The following LRRC4C variants were observed in gnomAD, a reference collection of about 807,000 sequenced individuals.
LRRC4C encodes leucine-rich repeat-containing protein 4C.
LRRC4C carries 5 observed loss-of-function variants against 33.6 expected under a neutral mutation model. That is an observed-to-expected ratio of 0.15 (90% CI 0.08 to 0.31). LRRC4C has a LOEUF of 0.31. Ranked by LOEUF, LRRC4C falls within the 10% of genes least tolerant of loss-of-function variation. The probability of loss-of-function intolerance (pLI) is 1.00; values close to 1 mark genes in which losing one functional copy is unlikely to be tolerated. For synonymous variants in LRRC4C, 329 were observed against 302.0 expected, an observed-to-expected ratio of 1.09 and a Z score of -0.93; for missense variants, 560 against 796.7, an observed-to-expected ratio of 0.70 and a Z score of 3.58.
At chr11:40,302,906 G>C (rs1362778337) in intron 4 of LRRC4C, among the ~76,000 whole-genome samples, 1 of 152,152 alleles carries the variant, frequency 6.6e-6, no homozygotes, top group Non-Finnish European at 1.5e-5. Context: ...TTCATTGTTT[G>C]TGCTTTAGGA....
chr11:40,357,344 A>G (rs934176479), intron 3 of LRRC4C, among the ~76,000 whole-genome samples: 6 of 152,162 alleles, frequency 3.9e-5, no homozygotes, highest in African/African-American at 1.4e-4. Context: ...GCCTATCAAG[A>G]AGTCACATTA....
chr11:41,258,264 T>C (rs1441649076), intron 1 of LRRC4C, among the ~76,000 whole-genome samples: 1 of 151,942 alleles, frequency 6.6e-6, no homozygotes, highest in Non-Finnish European at 1.5e-5. Flanking sequence ...ATATATTTGG[T>C]ATTCTAGTTA....
chr11:41,111,250 T>C (rs1033511739), intron 1 of LRRC4C, among the ~76,000 whole-genome samples: 1 of 152,108 alleles, frequency 6.6e-6, no homozygotes, highest in Non-Finnish European at 1.5e-5. Flanking sequence ...ACATACTCTT[T>C]ACAACTTCTT....
chr11:40,564,995 C>T (rs11035928), intron 3 of LRRC4C, among the ~76,000 whole-genome samples: 3,687 of 152,212 alleles, frequency 0.024, 62 homozygotes, highest in South Asian at 0.034. Flanking sequence ...ACTAAGATCG[C>T]TCTGGGATAA....
intron 1 of LRRC4C, among the ~76,000 whole-genome samples, chr11:41,131,716 C>T (rs2135841232): frequency 6.6e-6 from 1 of 152,188 alleles, no homozygotes; most frequent in African/African-American, 2.4e-5. Flanking sequence ...AAAGACCCTG[C>T]TGTTGAAACA....
At chr11:41,321,306 A>G (rs1240117265) in intron 1 of LRRC4C, among the ~76,000 whole-genome samples, 1 of 152,134 alleles carries the variant, frequency 6.6e-6, no homozygotes, top group Admixed American at 6.6e-5. Flanking sequence ...CTTCCACAGT[A>G]ATTACAGTCC....
chr11:41,134,871 C>T (rs988947817), intron 1 of LRRC4C, among the ~76,000 whole-genome samples: 1 of 152,066 alleles, frequency 6.6e-6, no homozygotes, highest in Non-Finnish European at 1.5e-5. Flanking sequence ...AGAAAGATCC[C>T]CCACCCAAAC....
intron 1 of LRRC4C, among the ~76,000 whole-genome samples, chr11:41,364,283 CT>C (rs1229857778): frequency 6.6e-6 from 1 of 152,004 alleles, no homozygotes; most frequent in Non-Finnish European, 1.5e-5. Context: ...ATTATAACCA[CT>C]TTTTTTTCTT....
At chr11:40,816,560 G>A (rs1346909508) in intron 2 of LRRC4C, among the ~76,000 whole-genome samples, 1 of 152,124 alleles carries the variant, frequency 6.6e-6, no homozygotes, top group African/African-American at 2.4e-5. Context: ...TAATGCATGT[G>A]TTAATAAGAT....
intron 3 of LRRC4C, among the ~76,000 whole-genome samples, chr11:40,345,452 G>T (rs1042980740): frequency 3.9e-5 from 6 of 152,106 alleles, no homozygotes; most frequent in African/African-American, 9.7e-5. Context: ...ATGGAAAAAG[G>T]ATTCCCTATT....
intron 4 of LRRC4C, among the ~76,000 whole-genome samples, chr11:40,294,475 G>T (rs1944407003): frequency 6.6e-6 from 1 of 152,070 alleles, no homozygotes; most frequent in South Asian, 2.1e-4. Context: ...TTGCTTTCAG[G>T]TTGCAGGTTA....
chr11:41,068,587 C>T (rs1938439608), intron 1 of LRRC4C, among the ~76,000 whole-genome samples: 1 of 152,044 alleles, frequency 6.6e-6, no homozygotes, highest in South Asian at 2.1e-4. Context: ...ATACTATAAA[C>T]ACCTCTACTC....
intron 1 of LRRC4C, among the ~76,000 whole-genome samples, chr11:40,995,870 T>C (rs1292992340): frequency 2.0e-5 from 3 of 152,164 alleles, no homozygotes; most frequent in African/African-American, 7.2e-5. Flanking sequence ...TTTAGTAACC[T>C]TTGTTTATCC....
chr11:40,685,625 C>T (rs1003263487), intron 2 of LRRC4C, among the ~76,000 whole-genome samples: 8 of 151,718 alleles, frequency 5.3e-5, no homozygotes, highest in Admixed American at 3.3e-4. Flanking sequence ...CGAGGACACA[C>T]TTACACAAAA....
In LRRC4C at chr11:40,451,718, G is replaced by A. The variant is rs192062087; in HGVS notation, c.-269-131997C>T. Among the ~76,000 whole-genome samples, 545 of 152,130 alleles carry A rather than the reference G, an allele frequency of 3.6e-3. 6 individuals carry two copies. Among genetic ancestry groups the A allele is most frequent in the Admixed American group, 8.1e-3 (123 of 15,270 alleles). Reference sequence around the variant, plus strand: ...TTTTGAGGGAAAACTATGAACAACTGTATGGTAACTAATTAGAATACTTAG... The same window carrying A: ...TTTTGAGGGAAAACTATGAACAACTATATGGTAACTAATTAGAATACTTAG... On this transcript the variant is annotated intron_variant, in intron 3 of 6. Transcript: ENST00000528697.
intron 3 of LRRC4C, among the ~76,000 whole-genome samples, chr11:40,583,555 C>T (rs556513004): frequency 6.6e-6 from 1 of 152,202 alleles, no homozygotes. Context: ...TCTTAGTATT[C>T]TTCTCATTTT....
intron 6 of LRRC4C, among the ~76,000 whole-genome samples, chr11:40,130,166 A>G (rs1157780202): frequency 3.3e-5 from 5 of 152,200 alleles, no homozygotes; most frequent in Admixed American, 2.6e-4. Context: ...ATGTATAACC[A>G]GAGAAAAATA....
intron 3 of LRRC4C, among the ~76,000 whole-genome samples, chr11:40,510,211 T>A (rs1176078716): frequency 2.0e-5 from 3 of 148,404 alleles, no homozygotes; most frequent in Non-Finnish European, 4.5e-5. Context: ...CTATATGTAT[T>A]TATATATATA....
At chr11:41,440,164 C>A (rs1160918398) in intron 1 of LRRC4C, among the ~76,000 whole-genome samples, 1 of 151,940 alleles carries the variant, frequency 6.6e-6, no homozygotes, top group African/African-American at 2.4e-5. Context: ...ATATTTGAGA[C>A]TTTAATTCAT....
Sources: allele counts gnomAD v4.1 joint callset (sites outside exome capture counted in the v4.1 genomes callset), GRCh38; gene constraint gnomAD v4.1.1; transcripts MANE v1.5; gene names NCBI Gene and HGNC (gene_info 2026-07-23, HGNC 2026-07-21).